The following GPA33 variants were observed in gnomAD, a reference collection of about 807,000 sequenced individuals.
GPA33 encodes the protein cell surface A33 antigen.
A neutral mutation model predicts 35.6 loss-of-function variants in GPA33; 27 were observed. The observed-to-expected ratio is 0.76, with a 90% CI of 0.56 to 1.04. GPA33 has a LOEUF of 1.04. GPA33 is among the 50% of genes least tolerant of loss of function. The pLI is 0.00. For missense variants in GPA33, 428 were observed against 411.9 expected (o/e 1.04, Z -0.34); for synonymous variants, 176 against 164.0 (o/e 1.07, Z -0.56).
chr1:167,062,271 AGTGGT>A (rs2102176652), intron 4 of GPA33, among the ~76,000 whole-genome samples: 2 of 150,714 alleles, frequency 1.3e-5, no homozygotes, highest in South Asian at 4.2e-4. Flanking sequence ...GCTGGAGTGC[AGTGGT>A]GTGATCATGG....
At chr1:167,066,768 C>T (rs1236537605) in intron 3 of GPA33, among the ~76,000 whole-genome samples, 1 of 152,228 alleles carries the variant, frequency 6.6e-6, no homozygotes, top group African/African-American at 2.4e-5. Context: ...GTGCCAAGGC[C>T]TCTCCGAAGC....
At chr1:167,078,404 C>T (rs1038516048) in intron 1 of GPA33, among the ~76,000 whole-genome samples, 1 of 152,192 alleles carries the variant, frequency 6.6e-6, no homozygotes, top group Non-Finnish European at 1.5e-5. Flanking sequence ...AGGAAAAGAA[C>T]TAGGGCTGGC....
At chr1:167,071,867 G>C (rs1421462262) in intron 2 of GPA33, among the ~76,000 whole-genome samples, 1 of 152,154 alleles carries the variant, frequency 6.6e-6, no homozygotes, top group Non-Finnish European at 1.5e-5. Context: ...CAAGGCAATT[G>C]CCTGAAATCC....
At chr1:167,068,453 G>A (rs1666646123) in intron 3 of GPA33, among the ~76,000 whole-genome samples, 2 of 152,234 alleles carry the variant, frequency 1.3e-5, no homozygotes, top group South Asian at 2.1e-4. Flanking sequence ...GACTGATGGA[G>A]TATCTGTTGA....
rs556015628 is a variant in GPA33, at chr1:167,055,708, TC to T, written c.691+21del. 13,736 of 1,610,934 alleles carry T rather than the reference TC, an allele frequency of 8.5e-3. 86 individuals are homozygous for T. The highest frequency in any genetic ancestry group is 9.5e-3 in the Non-Finnish European group (11,149 of 1,178,174). ...GTTATCCTGTGGCGTTTGTCAGCCC[TC>T]CCCCCGCAGGCTGCTCTTACGAGAT... On this transcript the variant is annotated intron_variant, in intron 5 of 6. Coordinates refer to ENST00000367868, the MANE Select transcript of GPA33 (RefSeq NM_005814.3).
intron 4 of GPA33, among the ~76,000 whole-genome samples, chr1:167,056,703 G>A (rs377070462): frequency 1.7e-4 from 24 of 144,788 alleles, no homozygotes; most frequent in East Asian, 4.1e-4. Context: ...GGTGTGTGGT[G>A]TGTGTAGTGT....
chr1:167,063,819 C>T (rs561227055), intron 3 of GPA33, 82 bp from the exon 4 acceptor site: 3 of 1,028,734 alleles, frequency 2.9e-6, no homozygotes, highest in African/African-American at 1.6e-5. Context: ...ACCCACCCCC[C>T]ACACACATAT....
Position 167,055,819 on chromosome 1 carries a change from A to C in GPA33, c.602T>G (p.Ile201Ser), listed in dbSNP as rs1666234786. 6.2e-7 allele frequency: 1 copy of C among 1,613,878 alleles called. No individual in the cohort carries two copies. The highest frequency in any genetic ancestry group is 8.5e-7 in the Non-Finnish European group (1 of 1,179,868). The change falls in exon 5 of 7, where the codon ATC becomes AGC. Residue 201 changes from isoleucine to serine, a missense_variant. By Grantham distance (142) the Ile-to-Ser change is moderately radical. Transcript: ENST00000367868. ...GTAGTAACCCGATGTGTCTGTGGAG[A>C]TATTCTTCAGGGAGACAGGCTGACC... ...ASGQPVSLKN[I>S]STDTSGYYIC...
intron 5 of GPA33, 52 bp downstream of exon 5, chr1:167,055,678 C>A: frequency 6.2e-7 from 1 of 1,603,874 alleles, no homozygotes; most frequent in Non-Finnish European, 8.5e-7. Flanking sequence ...TCTGGACCCC[C>A]ACCAGTTATC....
intron 1 of GPA33, among the ~76,000 whole-genome samples, chr1:167,079,099 T>A (rs1049089322): frequency 6.6e-6 from 1 of 152,084 alleles, no homozygotes; most frequent in Non-Finnish European, 1.5e-5. Context: ...AAAGAATAGA[T>A]CAATTTTAGA....
rs1231492769 is a variant in GPA33 at position 167,055,711 on chromosome 1, C to T, written c.691+19G>A. ...ATCCTGTGGCGTTTGTCAGCCCTCC[C>T]CCCGCAGGCTGCTCTTACGAGATCT... On this transcript the variant is annotated intron_variant, in intron 5 of 6. Coordinates refer to ENST00000367868, the MANE Select transcript of GPA33 (RefSeq NM_005814.3). The T allele has an allele frequency of 1.9e-6, 3 of 1,613,098 alleles. No homozygotes were observed. The highest frequency in any genetic ancestry group is 2.5e-6 in the Non-Finnish European group (3 of 1,179,640).
At chr1:167,056,645 T>C in intron 4 of GPA33, among the ~76,000 whole-genome samples, 1 of 882 alleles carries the variant, frequency 1.1e-3, no homozygotes, top group East Asian at 0.026. Context: ...GTGTGGTGTG[T>C]GTAGTGTGTG....
intron 2 of GPA33, among the ~76,000 whole-genome samples, chr1:167,073,159 G>A (rs928952123): frequency 1.3e-5 from 2 of 152,116 alleles, no homozygotes; most frequent in Non-Finnish European, 2.9e-5. Flanking sequence ...TTTGAGATTG[G>A]CCACCAGAAA....
At chr1:167,069,971 C>A (rs1305036170) in intron 2 of GPA33, among the ~76,000 whole-genome samples, 1 of 152,186 alleles carries the variant, frequency 6.6e-6, no homozygotes, top group Non-Finnish European at 1.5e-5. Flanking sequence ...AAGTGATAGA[C>A]AACCAAACCT....
At position 167,073,463 on chromosome 1, in the gene GPA33, G is replaced by T. The variant is rs1254250783; in HGVS notation, c.120C>A (p.Thr40=). ...TGGAAGTGTGGTAGGTGCAGGGCAG[G>T]GTGACACTCTTTCCCTGCGAAGCCC... ...VLRASQGKSV[T]LPCTYHTSTS... is the part of the protein sequence containing the mutation. The change falls in exon 2 of 7, where the codon ACC becomes ACA. Residue 40 remains threonine (T), a synonymous_variant. Coordinates refer to ENST00000367868, the MANE Select transcript of GPA33 (RefSeq NM_005814.3). 1 of 1,612,540 alleles carries T rather than the reference G, an allele frequency of 6.2e-7. No individual in the cohort carries two copies. The highest frequency in any genetic ancestry group is 8.5e-7 in the Non-Finnish European group (1 of 1,178,822).
chr1:167,069,025 A>G lies in GPA33; in HGVS notation c.312T>C (p.Ile104=). ...NAEQSDASIT[I]DQLTMADNGT... is the part of the protein sequence containing the mutation. ...CGTTGTCAGCCATGGTCAGCTGATC[A>G]ATGGTGATGGAGGCATCGGACTGCT... The change falls in exon 3 of 7, where the codon ATT becomes ATC. Residue 104 remains isoleucine, a synonymous_variant. Coordinates refer to ENST00000367868, the MANE Select transcript of GPA33 (RefSeq NM_005814.3). 1 of 1,613,926 alleles carries G rather than the reference A, an allele frequency of 6.2e-7. No homozygotes were observed. The highest frequency in any genetic ancestry group is 8.5e-7 in the Non-Finnish European group (1 of 1,179,756).
chr1:167,087,266 C>T (rs571532940), intron 1 of GPA33, among the ~76,000 whole-genome samples: 68 of 152,290 alleles, frequency 4.5e-4, no homozygotes, highest in African/African-American at 1.5e-3. Context: ...CTGTAACTTA[C>T]ATTCCCCCAC....
At position 167,078,422 on chromosome 1, in the gene GPA33, T is replaced by C. The variant is rs143170843; in HGVS notation, c.44-4883A>G. Reference sequence around the variant, plus strand: ...AAAAGAACTAGGGCTGGCAACTGCATAGAAACAACACCCACTATTCTCTAG... The same window carrying C: ...AAAAGAACTAGGGCTGGCAACTGCACAGAAACAACACCCACTATTCTCTAG... On this transcript the variant is annotated intron_variant, in intron 1 of 6. Coordinates refer to ENST00000367868, the MANE Select transcript of GPA33 (RefSeq NM_005814.3). Among the ~76,000 whole-genome samples, 85 of 152,326 alleles carry C rather than the reference T, an allele frequency of 5.6e-4. 3 individuals carry two copies. The East Asian group carries it at 0.015, about 28-fold the overall frequency.
intron 1 of GPA33, among the ~76,000 whole-genome samples, chr1:167,087,848 G>A (rs1441407187): frequency 2.7e-5 from 4 of 150,768 alleles, no homozygotes; most frequent in Admixed American, 1.3e-4. Flanking sequence ...CCTGGGAGGC[G>A]GAGGTTGCAG....
Sources: gnomAD v4.1 joint callset for allele counts (sites outside exome capture counted in the v4.1 genomes callset) on GRCh38, gnomAD v4.1.1 for gene constraint, MANE v1.5 for transcripts, NCBI Gene and HGNC (gene_info 2026-07-23, HGNC 2026-07-21) for gene names.